The following FARP1 variants were observed in gnomAD, a reference collection of about 807,000 sequenced individuals.
FARP1 encodes the protein FERM, ARHGEF and pleckstrin domain-containing protein 1.
In FARP1, 52 loss-of-function variants were observed where a neutral mutation model predicts 128.8. That is an observed-to-expected ratio of 0.40 (90% CI 0.32 to 0.51). The LOEUF (loss-of-function observed/expected upper bound fraction) is 0.51, where lower values mean the gene tolerates loss of function less well. Ranked by LOEUF, FARP1 falls within the 20% of genes least tolerant of loss-of-function variation. FARP1 has a pLI of 0.45. For missense variants in FARP1, 1,333 were observed against 1,367.9 expected (o/e 0.97, Z 0.40); for synonymous variants, 580 against 551.8 (o/e 1.05, Z -0.72).
chr13:98,444,951 C>G (rs908111777), intron 24 of FARP1, among the ~76,000 whole-genome samples: 2 of 152,232 alleles, frequency 1.3e-5, no homozygotes, highest in African/African-American at 4.8e-5. Flanking sequence ...CTTTCTGCCA[C>G]TGGGGGAGGA....
At position 98,258,697 on chromosome 13, in the gene FARP1, G is replaced by GA. The variant is rs773685876; in HGVS notation, c.171+45294dup. ...AGAGAGACTACATCTCTATTGTGGG[G>GA]AAAAAAAAAAGCCAAGGTCAATTGT... On this transcript the variant is annotated intron_variant, in intron 2 of 26. Transcript: ENST00000319562. Among the ~76,000 whole-genome samples, 156 of 146,470 alleles carry GA rather than the reference G, an allele frequency of 1.1e-3. 3 individuals carry two copies. In the East Asian group the frequency reaches 0.025, roughly 23 times the overall value.
chr13:98,231,371 G>A (rs1284219944), intron 2 of FARP1, among the ~76,000 whole-genome samples: 1 of 151,540 alleles, frequency 6.6e-6, no homozygotes, highest in Non-Finnish European at 1.5e-5. Context: ...CAGTTTTACA[G>A]GGCAGTGCAC....
intron 2 of FARP1, among the ~76,000 whole-genome samples, chr13:98,273,263 C>A (rs536210780): frequency 6.6e-6 from 1 of 152,148 alleles, no homozygotes; most frequent in African/African-American, 2.4e-5. Context: ...AAGATAAGGA[C>A]GTCTGTTAAC....
intron 1 of FARP1, among the ~76,000 whole-genome samples, chr13:98,190,807 A>G (rs1349636323): frequency 2.0e-5 from 3 of 148,332 alleles, no homozygotes; most frequent in Non-Finnish European, 3.0e-5. Context: ...TTGGCCTCCC[A>G]AAGTGCTTAG....
At position 98,349,965 on chromosome 13, in the gene FARP1, G is replaced by A. The variant is rs567702230; in HGVS notation, c.276+6099G>A. Among the ~76,000 whole-genome samples the A allele has an allele frequency of 2.5e-4, 38 of 152,246 alleles. No homozygotes were observed. The East Asian group carries it at 2.5e-3, about 10-fold the overall frequency. On this transcript the variant is annotated intron_variant, in intron 3 of 26. Coordinates refer to ENST00000319562, the MANE Select transcript of FARP1 (RefSeq NM_005766.4). ...TCCTTCATCTGTGCTTAGCCGCAGC[G>A]TCTGCCCTCGCTTCTTCCTAGGGGT... is the stretch of plus-strand genomic sequence containing the variant.
chr13:98,319,089 A>G (rs1470944207), intron 2 of FARP1, among the ~76,000 whole-genome samples: 4 of 151,082 alleles, frequency 2.6e-5, no homozygotes, highest in Non-Finnish European at 4.4e-5. Context: ...CAGCCTCCCA[A>G]GTAGCTGGGA....
At chr13:98,425,724 C>T (rs1316214828) in intron 17 of FARP1, among the ~76,000 whole-genome samples, 1 of 152,118 alleles carries the variant, frequency 6.6e-6, no homozygotes, top group Non-Finnish European at 1.5e-5. Context: ...GCAATATCTA[C>T]AATCAATGAC....
At chr13:98,238,594 A>G (rs1882582920) in intron 2 of FARP1, among the ~76,000 whole-genome samples, 1 of 152,152 alleles carries the variant, frequency 6.6e-6, no homozygotes, top group Non-Finnish European at 1.5e-5. Context: ...GGTGGCAGGC[A>G]AAGAGAGAGT....
chr13:98,181,404 C>G (rs370836992), intron 1 of FARP1, among the ~76,000 whole-genome samples: 1 of 151,916 alleles, frequency 6.6e-6, no homozygotes, highest in Admixed American at 6.6e-5. Context: ...TAGATTTTTG[C>G]CTGGCTGGCA....
At chr13:98,252,656 T>C (rs1025593718) in intron 2 of FARP1, among the ~76,000 whole-genome samples, 12 of 152,240 alleles carry the variant, frequency 7.9e-5, no homozygotes, top group Non-Finnish European at 5.9e-5. Flanking sequence ...TGTACTGTGT[T>C]CTTTAAACAT....
intron 2 of FARP1, among the ~76,000 whole-genome samples, chr13:98,311,720 TCTC>T (rs1161720357): frequency 1.3e-5 from 2 of 152,110 alleles, no homozygotes; most frequent in African/African-American, 4.8e-5. Flanking sequence ...CCTTTGAAAT[TCTC>T]CTAGAGAGAA....
intron 2 of FARP1, among the ~76,000 whole-genome samples, chr13:98,324,596 A>C (rs935603595): frequency 8.6e-5 from 13 of 152,030 alleles, no homozygotes; most frequent in African/African-American, 3.1e-4. Flanking sequence ...ATGGTTTACT[A>C]TTTTCAGAAA....
intron 2 of FARP1, among the ~76,000 whole-genome samples, chr13:98,292,300 G>T (rs1458473240): frequency 6.6e-6 from 1 of 152,182 alleles, no homozygotes; most frequent in African/African-American, 2.4e-5. Flanking sequence ...CTTCCCGTTT[G>T]TCCAGTGAAC....
chr13:98,265,599 G>C (rs1212672870), intron 2 of FARP1, among the ~76,000 whole-genome samples: 1 of 151,932 alleles, frequency 6.6e-6, no homozygotes, highest in Non-Finnish European at 1.5e-5. Flanking sequence ...GATTACAGGC[G>C]TGAGCCACCG....
chr13:98,258,654 G>A (rs1288785798), intron 2 of FARP1, among the ~76,000 whole-genome samples: 1 of 151,910 alleles, frequency 6.6e-6, no homozygotes, highest in African/African-American at 2.4e-5. Context: ...AGGAGATCAA[G>A]AGCAACCTGG....
At chr13:98,183,874 TCA>T (rs1182699729) in intron 1 of FARP1, among the ~76,000 whole-genome samples, 1 of 152,158 alleles carries the variant, frequency 6.6e-6, no homozygotes, top group Non-Finnish European at 1.5e-5. Context: ...TGTGTCTCTC[TCA>T]CAGCCAGTCC....
chr13:98,238,620 C>G (rs181764101), intron 2 of FARP1, among the ~76,000 whole-genome samples: 1 of 152,168 alleles, frequency 6.6e-6, no homozygotes, highest in East Asian at 1.9e-4. Context: ...GGGAAACTCC[C>G]CTTTATAAAA....
Position 98,176,042 on chromosome 13 carries a change from G to T in FARP1, c.-24+32550G>T. 1.1e-6 allele frequency: 1 copy of T among 921,960 alleles called. No homozygotes were observed. Among genetic ancestry groups the T allele is most frequent in the Non-Finnish European group, 1.7e-6 (1 of 584,536 alleles). 57.1% of individuals were successfully genotyped at this position (921,960 alleles called of 1,614,324 possible). A position where few individuals can be genotyped will look rare whatever the true frequency, so the allele number is the denominator to read the frequency against. On this transcript the variant is annotated intron_variant, in intron 1 of 26. Coordinates refer to ENST00000319562, the MANE Select transcript of FARP1 (RefSeq NM_005766.4). The surrounding 1 kb of genome is among the most constrained non-coding windows in gnomAD (Gnocchi z 6.2). ...CATGGGAGTGCACATACCTCTTTGA[G>T]ATCCGGATTTCAATTCTTTTGGTTA...
rs1367688311 is a variant in FARP1 at position 98,379,207 on chromosome 13, A to AAT, written c.496+1295_496+1296dup. On this transcript the variant is annotated intron_variant, in intron 6 of 26. Transcript: ENST00000319562. ...TATATATAATATATAATATATATAT[A>AAT]ATATATAATATATAATCTATCTATA... 2.4e-4 allele frequency among the ~76,000 whole-genome samples: 22 copies of AAT among 90,580 alleles called. 2 individuals are homozygous for AAT. The highest frequency in any genetic ancestry group is 8.5e-4 in the African/African-American group (17 of 19,922). The allele number at this position is 90,580 out of a possible 152,430, so 59.4% of individuals were successfully genotyped here.
Sources: allele counts gnomAD v4.1 joint callset (sites outside exome capture counted in the v4.1 genomes callset), GRCh38; gene constraint gnomAD v4.1.1; non-coding constraint Gnocchi (gnomAD v3.1); transcripts MANE v1.5; gene names NCBI Gene and HGNC (gene_info 2026-07-23, HGNC 2026-07-21).